Variants in CAMKK2 observed in about 807,000 individuals in gnomAD.
The protein encoded by CAMKK2 is calcium/calmodulin-dependent protein kinase kinase 2.
CAMKK2 carries 30 observed loss-of-function variants against 67.2 expected under a neutral mutation model. The ratio of observed to expected loss-of-function variants is 0.45; its 90% CI spans 0.33 to 0.61. The LOEUF is 0.61. CAMKK2 is among the 20% of genes least tolerant of loss of function. The pLI, the probability that CAMKK2 is intolerant of heterozygous loss-of-function variation, is 0.02. For missense variants in CAMKK2, 643 were observed against 802.0 expected, an observed-to-expected ratio of 0.80 and a Z score of 2.39; for synonymous variants, 322 against 326.2, an observed-to-expected ratio of 0.99 and a Z score of 0.14.
intron 2 of CAMKK2, 44 bp from the exon 3 acceptor site, chr12:121,270,989 G>A (rs1397376390): frequency 1.2e-5 from 18 of 1,534,302 alleles, no homozygotes; most frequent in Non-Finnish European, 1.6e-5. Flanking sequence ...TTTTAAGTTT[G>A]CAACTAGAGG....
intron 10 of CAMKK2, 44 bp from the exon 11 acceptor site, chr12:121,252,758 A>G (rs766365903): frequency 1.4e-5 from 22 of 1,594,826 alleles, no homozygotes; most frequent in Non-Finnish European, 1.9e-5. Context: ...GGGGTGGTCC[A>G]GCCTCCAATC....
Position 121,242,528 on chromosome 12 carries a change from C to T in CAMKK2, c.1597-1659G>A, listed in dbSNP as rs570004243. Among the ~76,000 whole-genome samples, 3 of 152,290 alleles carry T rather than the reference C, an allele frequency of 2.0e-5. 1 individual carries two copies. Among genetic ancestry groups the T allele is most frequent in the African/African-American group, 4.8e-5 (2 of 41,560 alleles). On this transcript the variant is annotated intron_variant, in intron 16 of 16. Transcript: ENST00000404169. ...TCATCCGTGAGGCTCACACCCAAGGCGGGGCTGCCCAGGCGTCTGTCTGGG... is the reference window on the plus strand; with the variant it reads ...TCATCCGTGAGGCTCACACCCAAGGTGGGGCTGCCCAGGCGTCTGTCTGGG...
chr12:121,284,294 A>T (rs1219287091), intron 1 of CAMKK2, among the ~76,000 whole-genome samples: 1 of 152,160 alleles, frequency 6.6e-6, no homozygotes, highest in Non-Finnish European at 1.5e-5. Flanking sequence ...AATTGGGCTG[A>T]GTTTTGTTGT....
chr12:121,290,949 A>C (rs1180307961), intron 1 of CAMKK2, among the ~76,000 whole-genome samples: 1 of 152,150 alleles, frequency 6.6e-6, no homozygotes, highest in Non-Finnish European at 1.5e-5. Context: ...CCTCCAGAGC[A>C]GCTGGGATTA....
At chr12:121,266,892 G>A (rs1566088884) in intron 5 of CAMKK2, among the ~76,000 whole-genome samples, 1 of 152,066 alleles carries the variant, frequency 6.6e-6, no homozygotes, top group South Asian at 2.1e-4. Flanking sequence ...ACTCTCACCT[G>A]CAGCCTATCA....
intron 14 of CAMKK2, among the ~76,000 whole-genome samples, chr12:121,247,010 C>T (rs1889615035): frequency 1.3e-5 from 2 of 152,286 alleles, no homozygotes; most frequent in South Asian, 2.1e-4. Context: ...GCTCCAGCTG[C>T]CCTGGTTCAA....
At chr12:121,277,054 G>A (rs1225144332) in intron 1 of CAMKK2, among the ~76,000 whole-genome samples, 1 of 152,184 alleles carries the variant, frequency 6.6e-6, no homozygotes, top group Non-Finnish European at 1.5e-5. Context: ...CTCCCTGGAG[G>A]ATCTGGCTGA....
At chr12:121,269,056 G>A (rs979949190) in intron 4 of CAMKK2, among the ~76,000 whole-genome samples, 1 of 137,738 alleles carries the variant, frequency 7.3e-6, no homozygotes, top group Non-Finnish European at 1.6e-5. Flanking sequence ...GGGAAACTGA[G>A]GCTCAGCTGT....
Position 121,271,594 on chromosome 12 carries a change from A to G in CAMKK2, c.472-649T>C, listed in dbSNP as rs565670567. Among the ~76,000 whole-genome samples, 16 of 152,376 alleles carry G rather than the reference A, an allele frequency of 1.1e-4. No homozygotes were observed. In the South Asian group the frequency reaches 3.3e-3, roughly 32 times the overall value. On this transcript the variant is annotated intron_variant, in intron 2 of 16. Transcript: ENST00000404169. ...GTCCTGTAAAAACATAAAGTGATAC[A>G]AGAAAAGCAAGTCTGTGCAACCTTG...
At chr12:121,278,815 G>A (rs1239621889) in intron 1 of CAMKK2, among the ~76,000 whole-genome samples, 1 of 152,206 alleles carries the variant, frequency 6.6e-6, no homozygotes, top group Non-Finnish European at 1.5e-5. Flanking sequence ...TAATACAGAT[G>A]CCCATGGCCT....
chr12:121,240,431 T>A lies in CAMKK2; in HGVS notation c.*268A>T. 1 of 1,512,252 alleles carries A rather than the reference T, an allele frequency of 6.6e-7. No individual in the cohort carries two copies. Among genetic ancestry groups the A allele is most frequent in the Non-Finnish European group, 8.8e-7 (1 of 1,140,480 alleles). The allele number at this position is 1,512,252 out of a possible 1,614,324, so 93.7% of individuals were successfully genotyped here. A position where few individuals can be genotyped will look rare whatever the true frequency, so the allele number is the denominator to read the frequency against. On this transcript the variant is annotated 3_prime_UTR_variant, in exon 17 of 17. Coordinates refer to ENST00000404169, the MANE Select transcript of CAMKK2 (RefSeq NM_001270485.2). This position sits in a 1 kb window ranked among gnomAD's most constrained non-coding sequence, Gnocchi z 4.4. The stretch of plus-strand genomic sequence containing the variant: ...GCATAAAAACGTTTTAAAAAGCAAT[T>A]GTCCCAAAATGCACGTGGGTTTGGG...
chr12:121,281,293 G>A (rs138902759), intron 1 of CAMKK2, among the ~76,000 whole-genome samples: 1 of 152,224 alleles, frequency 6.6e-6, no homozygotes, highest in African/African-American at 2.4e-5. Flanking sequence ...GCTGCCAGTG[G>A]GTGCCAAAGA....
rs763341477 is a variant in CAMKK2 at position 121,249,878 on chromosome 12, G to A, written c.1236-4C>T. ...CAAGTCCTCAGCTATGTCGGGCCTG[G>A]GGATGGAGAGGCGTCAGGGTGGCAG... On this transcript the variant is annotated splice_region_variant and splice_polypyrimidine_tract_variant and intron_variant, in intron 12 of 16. Coordinates refer to ENST00000404169, the MANE Select transcript of CAMKK2 (RefSeq NM_001270485.2). 11 of 1,613,836 alleles carry A rather than the reference G, an allele frequency of 6.8e-6. No individual in the cohort carries two copies. Among genetic ancestry groups the A allele is most frequent in the Non-Finnish European group, 5.9e-6 (7 of 1,179,798 alleles).
intron 6 of CAMKK2, among the ~76,000 whole-genome samples, chr12:121,262,676 G>A (rs923993205): frequency 2.0e-5 from 3 of 151,644 alleles, no homozygotes; most frequent in Admixed American, 6.6e-5. Context: ...CTCCCACCTC[G>A]GCCTTCGGAA....
intron 2 of CAMKK2, among the ~76,000 whole-genome samples, chr12:121,273,425 G>A (rs1896148940): frequency 2.0e-5 from 3 of 152,056 alleles, no homozygotes; most frequent in Non-Finnish European, 2.9e-5. Flanking sequence ...ACCACACAGG[G>A]CCCTGTGAAC....
At chr12:121,249,667 ATAGG>A (rs1890247228) in intron 13 of CAMKK2, 116 bp downstream of exon 13, 9 of 848,514 alleles carry the variant, frequency 1.1e-5, no homozygotes, top group Non-Finnish European at 1.8e-5. Flanking sequence ...GCCCTGGGGC[ATAGG>A]AGAACAGCGG....
chr12:121,260,575 C>A, intron 6 of CAMKK2: 1 of 569,746 alleles, frequency 1.8e-6, no homozygotes, highest in Non-Finnish European at 3.1e-6. Context: ...CTGTCTGATC[C>A]TCGAGGATCT....
chr12:121,244,487 G>A, intron 16 of CAMKK2, 86 bp downstream of exon 16: 5 of 1,282,678 alleles, frequency 3.9e-6, no homozygotes, highest in African/African-American at 1.5e-5. Flanking sequence ...CATCTGCCCG[G>A]GTGGGGATGC....
intron 1 of CAMKK2, among the ~76,000 whole-genome samples, chr12:121,277,904 T>G (rs1897102414): frequency 1.3e-5 from 2 of 152,126 alleles, no homozygotes. Flanking sequence ...GAGGCACAGG[T>G]TGCAGTGAGG....
Sources: gnomAD v4.1 joint callset for allele counts (sites outside exome capture counted in the v4.1 genomes callset) on GRCh38, gnomAD v4.1.1 for gene constraint, Gnocchi (gnomAD v3.1) non-coding constraint, MANE v1.5 for transcripts, NCBI Gene and HGNC (gene_info 2026-07-23, HGNC 2026-07-21) for gene names.